GTF2H1: variants seen among roughly 807,000 people sequenced by gnomAD.
GTF2H1 encodes BTF2 p62.
In GTF2H1, 16 loss-of-function variants were observed where a neutral mutation model predicts 71.2. The ratio of observed to expected loss-of-function variants is 0.22; its 90% CI spans 0.15 to 0.34. The LOEUF is 0.34. Ranked by LOEUF, GTF2H1 falls within the 10% of genes least tolerant of loss-of-function variation. The pLI is 1.00. For synonymous variants in GTF2H1, 215 were observed against 219.0 expected, an observed-to-expected ratio of 0.98 and a Z score of 0.16; for missense variants, 498 against 648.2, an observed-to-expected ratio of 0.77 and a Z score of 2.52.
intron 14 of GTF2H1, among the ~76,000 whole-genome samples, chr11:18,361,539 C>T (rs1233021649): frequency 1.3e-5 from 2 of 152,134 alleles, no homozygotes; most frequent in African/African-American, 4.8e-5. Context: ...CATGGTGGCG[C>T]ATGCCTGTAG....
rs1167031177 is a variant in GTF2H1 at position 18,366,749 on chromosome 11, T to A, written c.*880T>A. ...CATTTTTAAGAGTTTAAAAATCTTA[T>A]GAGTGAGAAATATTAAAAAAATCTT... On this transcript the variant is annotated 3_prime_UTR_variant, in exon 15 of 15. Coordinates refer to ENST00000265963, the MANE Select transcript of GTF2H1 (RefSeq NM_005316.4). The A allele has an allele frequency of 6.6e-6, 1 of 152,554 alleles. No homozygotes were observed. The highest frequency in any genetic ancestry group is 6.6e-5 in the Admixed American group (1 of 15,208). The allele number at this position is 152,554 out of a possible 1,614,324, so 9.5% of individuals were successfully genotyped here.
At chr11:18,339,761 T>G in intron 5 of GTF2H1, 104 bp downstream of exon 5, 1 of 671,892 alleles carries the variant, frequency 1.5e-6, no homozygotes, top group Non-Finnish European at 2.5e-6. Flanking sequence ...GTGCAATAAA[T>G]TATGTAAAGT....
At chr11:18,348,572 GA>G (rs1212331814) in intron 9 of GTF2H1, 1 of 152,326 alleles carries the variant, frequency 6.6e-6, no homozygotes, top group East Asian at 1.9e-4. Context: ...TGTATACTAA[GA>G]TTTAGATAGA....
At chr11:18,326,513 C>T (rs1864770072) in intron 1 of GTF2H1, among the ~76,000 whole-genome samples, 1 of 81,720 alleles carries the variant, frequency 1.2e-5, no homozygotes, top group South Asian at 5.5e-4. Flanking sequence ...CAGAACAAGA[C>T]TCCTTCTCAA....
chr11:18,352,017 C>A, intron 10 of GTF2H1, 48 bp downstream of exon 10: 2 of 899,590 alleles, frequency 2.2e-6, no homozygotes, highest in South Asian at 1.3e-5. Context: ...CAATTCAGTC[C>A]AAAATATATC....
chr11:18,347,079 AAG>A (rs1486700986), intron 7 of GTF2H1: 1 of 151,392 alleles, frequency 6.6e-6, no homozygotes, highest in African/African-American at 2.4e-5. Context: ...TGTTCTTTAA[AAG>A]AGAAATGCAG....
intron 7 of GTF2H1, 37 bp from the exon 8 acceptor site, chr11:18,347,551 C>T: frequency 6.7e-7 from 1 of 1,481,586 alleles, no homozygotes; most frequent in Non-Finnish European, 9.0e-7. Context: ...AAAAGCAGAA[C>T]CTTTTTAAAA....
intron 14 of GTF2H1, among the ~76,000 whole-genome samples, chr11:18,365,099 C>T (rs1031361621): frequency 4.6e-5 from 7 of 150,560 alleles, no homozygotes; most frequent in Admixed American, 1.3e-4. Flanking sequence ...AAAACCTGGC[C>T]GGGCATGGTG....
At chr11:18,342,267 T>G (rs1360366028) in intron 7 of GTF2H1, among the ~76,000 whole-genome samples, 13 of 135,286 alleles carry the variant, frequency 9.6e-5, no homozygotes, top group African/African-American at 3.9e-4. Context: ...TTTTTTTTTT[T>G]TTTTTTTTTT....
rs1362996481 is a variant in GTF2H1 at position 18,322,701 on chromosome 11, CAGTT to C, written c.-49_-46del. The C allele has an allele frequency of 1.5e-5, 2 of 131,056 alleles. No individual in the cohort carries two copies. The highest frequency in any genetic ancestry group is 3.1e-5 in the Non-Finnish European group (2 of 64,618). The allele number at this position is 131,056 out of a possible 1,614,324, so 8.1% of individuals were successfully genotyped here. A position where few individuals can be genotyped will look rare whatever the true frequency, so the allele number is the denominator to read the frequency against. On this transcript the variant is annotated 5_prime_UTR_variant, in exon 1 of 15. Coordinates refer to ENST00000265963, the MANE Select transcript of GTF2H1 (RefSeq NM_005316.4). The stretch of plus-strand genomic sequence containing the variant: ...CAGCGGAACTCGACCGGATCCAACC[CAGTT>C]AGTTACTTCCTGTCTAGAGTTGTAG...
chr11:18,357,838 A>C (rs1865594595), intron 11 of GTF2H1, 114 bp from the exon 12 acceptor site: 1 of 721,866 alleles, frequency 1.4e-6, no homozygotes, highest in Non-Finnish European at 2.5e-6. Context: ...GTAGTATTTA[A>C]ACAAAAGGAA....
chr11:18,326,140 G>C (rs1188432480), intron 1 of GTF2H1: 3 of 152,214 alleles, frequency 2.0e-5, no homozygotes, highest in Non-Finnish European at 4.4e-5. Context: ...TTGACCATTT[G>C]TGCCCAATGT....
At chr11:18,339,222 A>T (rs1289826543) in intron 4 of GTF2H1, among the ~76,000 whole-genome samples, 1 of 152,200 alleles carries the variant, frequency 6.6e-6, no homozygotes, top group East Asian at 1.9e-4. Context: ...CAGTCAGTTA[A>T]TGTTAATTTA....
chr11:18,359,779 C>T (rs921756588), intron 13 of GTF2H1, among the ~76,000 whole-genome samples: 4 of 151,662 alleles, frequency 2.6e-5, no homozygotes, highest in Admixed American at 6.6e-5. Flanking sequence ...GGAGTGATCT[C>T]TGCTCACTGC....
At chr11:18,340,911 T>G (rs1793306104) in intron 5 of GTF2H1, among the ~76,000 whole-genome samples, 1 of 152,192 alleles carries the variant, frequency 6.6e-6, no homozygotes, top group African/African-American at 2.4e-5. Context: ...GAGATCATTA[T>G]TACCCCACAA....
chr11:18,361,621 G>A (rs1865701842), intron 14 of GTF2H1, among the ~76,000 whole-genome samples: 2 of 152,148 alleles, frequency 1.3e-5, no homozygotes, highest in Non-Finnish European at 2.9e-5. Flanking sequence ...GTGAGCCGAG[G>A]TCATGCCACC....
chr11:18,346,845 C>T (rs1865307189), intron 7 of GTF2H1, among the ~76,000 whole-genome samples: 1 of 145,112 alleles, frequency 6.9e-6, no homozygotes, highest in Non-Finnish European at 1.5e-5. Context: ...AAGTGATTCT[C>T]CTGCCTCACT....
intron 2 of GTF2H1, among the ~76,000 whole-genome samples, chr11:18,334,811 A>G (rs139907088): frequency 6.5e-4 from 99 of 152,322 alleles, no homozygotes; most frequent in African/African-American, 2.3e-3. Flanking sequence ...TTATTTTGCC[A>G]TATTTGCTTT....
At chr11:18,355,287 C>T (rs998026402) in intron 11 of GTF2H1, among the ~76,000 whole-genome samples, 4 of 151,584 alleles carry the variant, frequency 2.6e-5, no homozygotes, top group African/African-American at 4.8e-5. Flanking sequence ...GGACTATAGG[C>T]GCCCGCCACC....
Sources: allele counts gnomAD v4.1 joint callset (sites outside exome capture counted in the v4.1 genomes callset), GRCh38; gene constraint gnomAD v4.1.1; transcripts MANE v1.5; gene names NCBI Gene and HGNC (gene_info 2026-07-23, HGNC 2026-07-21).